Variants in UROS observed in about 807,000 individuals in gnomAD.
The protein encoded by UROS is uroporphyrinogen-III synthase.
In UROS, 18 loss-of-function variants were observed where a neutral mutation model predicts 33.0. The observed-to-expected ratio is 0.55, with a 90% CI of 0.38 to 0.81. UROS has a LOEUF of 0.81. Ranked by LOEUF, UROS falls within the 30% of genes least tolerant of loss-of-function variation. The probability of loss-of-function intolerance (pLI) is 0.00; values close to 1 mark genes in which losing one functional copy is unlikely to be tolerated. For missense variants in UROS, 293 were observed against 314.9 expected (o/e 0.93, Z 0.53); for synonymous variants, 114 against 121.1 (o/e 0.94, Z 0.38).
intron 6 of UROS, chr10:125,802,314 GCTGGAACAA>G (rs1488542644): frequency 2.0e-6 from 2 of 985,940 alleles, no homozygotes; most frequent in Non-Finnish European, 1.2e-6. Context: ...GATCCGGAAA[GCTGGAACAA>G]CTGTCTGTGG....
chr10:125,813,097 A>G (rs1463791995), intron 4 of UROS, among the ~76,000 whole-genome samples: 1 of 152,170 alleles, frequency 6.6e-6, no homozygotes, highest in East Asian at 1.9e-4. Context: ...ATAAATATCA[A>G]TAGTATTTAT....
At chr10:125,799,343 G>A (rs1461273279) in intron 6 of UROS, among the ~76,000 whole-genome samples, 1 of 152,158 alleles carries the variant, frequency 6.6e-6, no homozygotes. Context: ...TGCATCCCTA[G>A]AGACATATTT....
intron 1 of UROS, among the ~76,000 whole-genome samples, chr10:125,819,344 C>T (rs918323947): frequency 2.0e-5 from 3 of 152,124 alleles, no homozygotes; most frequent in Admixed American, 6.5e-5. Flanking sequence ...CTTTTTCTGC[C>T]TTATGCCCCC....
downstream of UROS, among the ~76,000 whole-genome samples, chr10:125,788,217 G>A (rs1850687147): frequency 6.6e-6 from 1 of 152,176 alleles, no homozygotes; most frequent in African/African-American, 2.4e-5. Context: ...GGAACTTTGG[G>A]AATGAAGTTT....
In UROS at chr10:125,794,554, C is replaced by T. The variant is rs117833740; in HGVS notation, c.660+326G>A. On this transcript the variant is annotated intron_variant, in intron 9 of 9. Transcript: ENST00000368797. ...GGAAAGGAAGGAAAGGATGTTAACA[C>T]CTGTACCAAGCCCTGAGCTAATTCA... 2.1e-3 allele frequency among the ~76,000 whole-genome samples: 313 copies of T among 152,298 alleles called. 1 individual carries two copies. The highest frequency in any genetic ancestry group is 3.9e-3 in the Non-Finnish European group (263 of 68,024).
At chr10:125,818,294 A>G (rs1467007853) in intron 1 of UROS, among the ~76,000 whole-genome samples, 1 of 152,054 alleles carries the variant, frequency 6.6e-6, no homozygotes, top group African/African-American at 2.4e-5. Context: ...ATCAGCCTGG[A>G]CAACATAGCG....
chr10:125,803,162 CCT>C, intron 6 of UROS: 1 of 1,225,628 alleles, frequency 8.2e-7, no homozygotes, highest in Non-Finnish European at 1.1e-6. Flanking sequence ...TAGCTCTGTT[CCT>C]TATGGACAAG....
At chr10:125,807,532 G>A (rs778834968) in intron 5 of UROS, 45 bp from the exon 6 acceptor site, 1 of 1,489,300 alleles carries the variant, frequency 6.7e-7, no homozygotes, top group Non-Finnish European at 9.4e-7. Flanking sequence ...GGTTATTGAA[G>A]TCCTTTTGTT....
At chr10:125,802,888 C>A in intron 6 of UROS, 1 of 1,581,414 alleles carries the variant, frequency 6.3e-7, no homozygotes, top group South Asian at 1.2e-5. Flanking sequence ...AGGCTGGCCT[C>A]ACCCTCAGGG....
intron 3 of UROS, 150 bp from the exon 4 acceptor site, chr10:125,815,280 A>G: frequency 3.5e-6 from 3 of 856,478 alleles, no homozygotes; most frequent in Non-Finnish European, 5.8e-6. Context: ...CTGAGTGCTT[A>G]CTATGTGCCT....
At position 125,807,424 on chromosome 10, in the gene UROS, T is replaced by C. The variant is rs141122081; in HGVS notation, c.383A>G (p.Tyr128Cys). 1.1e-5 allele frequency: 18 copies of C among 1,613,986 alleles called. No homozygotes were observed. The African/African-American group carries it at 1.2e-4, about 11-fold the overall frequency. ...TCGNAEKLAE[Y>C]ICSRESSALP... ...GTTTTTCTACTTACTGGAACAAATA[T>C]ATTCTGCAAGCTTTTCTGCATTTCC... The change falls in exon 6 of 10, where the codon TAT becomes TGT. Residue 128 changes from tyrosine to cysteine, a missense_variant. Transcript: ENST00000368797.
chr10:125,810,114 T>A (rs1203985385), intron 5 of UROS, among the ~76,000 whole-genome samples: 1 of 152,180 alleles, frequency 6.6e-6, no homozygotes, highest in Admixed American at 6.5e-5. Flanking sequence ...GGCTCTTGAC[T>A]AGAGGGCTTG....
chr10:125,807,654 A>AC (rs1852450741), intron 5 of UROS, among the ~76,000 whole-genome samples, 167 bp from the exon 6 acceptor site: 7 of 152,342 alleles, frequency 4.6e-5, no homozygotes, highest in African/African-American at 1.7e-4. Context: ...TGTTCAGAAG[A>AC]GAAAGCATCA....
chr10:125,819,070 C>T (rs543724688), intron 1 of UROS, among the ~76,000 whole-genome samples: 13 of 152,238 alleles, frequency 8.5e-5, no homozygotes, highest in Non-Finnish European at 1.9e-4. Context: ...CTGCAACCTC[C>T]GCCTCCCGGG....
intron 9 of UROS, 101 bp downstream of exon 9, chr10:125,794,779 C>G: frequency 8.6e-7 from 1 of 1,156,518 alleles, no homozygotes; most frequent in South Asian, 1.4e-5. Flanking sequence ...CCTGCTAGGC[C>G]AGGGGTGTCT....
At chr10:125,801,509 T>C (rs1375469595) in intron 6 of UROS, among the ~76,000 whole-genome samples, 1 of 152,204 alleles carries the variant, frequency 6.6e-6, no homozygotes, top group Non-Finnish European at 1.5e-5. Context: ...CTACAAGCAT[T>C]AGAGGTAGAT....
At chr10:125,811,837 A>G (rs1024566489) in intron 5 of UROS, among the ~76,000 whole-genome samples, 1 of 152,090 alleles carries the variant, frequency 6.6e-6, no homozygotes, top group African/African-American at 2.4e-5. Context: ...CACTATCTGG[A>G]GATTTAGGCT....
chr10:125,787,445 C>T (rs989015685), downstream of UROS, among the ~76,000 whole-genome samples: 9 of 152,146 alleles, frequency 5.9e-5, no homozygotes, highest in African/African-American at 2.2e-4. Context: ...TATGGGGGAC[C>T]CCATTCCTGC....
intron 5 of UROS, among the ~76,000 whole-genome samples, chr10:125,807,710 C>T (rs1852456455): frequency 6.6e-6 from 1 of 152,142 alleles, no homozygotes; most frequent in Admixed American, 6.5e-5. Flanking sequence ...GTAAGTAAGG[C>T]CTTAACTAGC....
Sources: allele counts gnomAD v4.1 joint callset (sites outside exome capture counted in the v4.1 genomes callset), GRCh38; gene constraint gnomAD v4.1.1; transcripts MANE v1.5; gene names NCBI Gene and HGNC (gene_info 2026-07-23, HGNC 2026-07-21).